The following DPH6 variants were observed in gnomAD, a reference collection of about 807,000 sequenced individuals.
The protein encoded by DPH6 is diphthine--ammonia ligase.
DPH6 carries 33 observed loss-of-function variants against 38.2 expected under a neutral mutation model. That is an observed-to-expected ratio of 0.86 (90% CI 0.65 to 1.15). The LOEUF (loss-of-function observed/expected upper bound fraction) is 1.15. DPH6 is among the 50% of genes most tolerant of loss of function. The probability of loss-of-function intolerance (pLI) is 0.00; values close to 1 mark genes in which losing one functional copy is unlikely to be tolerated. For synonymous variants in DPH6, 108 were observed against 103.0 expected, an observed-to-expected ratio of 1.05 and a Z score of -0.30; for missense variants, 325 against 320.0, an observed-to-expected ratio of 1.02 and a Z score of -0.12.
chr15:35,411,129 A>C (rs889762743), intron 5 of DPH6, among the ~76,000 whole-genome samples: 12 of 151,716 alleles, frequency 7.9e-5, no homozygotes, highest in Admixed American at 1.3e-4. Flanking sequence ...GCACTGTGTC[A>C]ACTACCAGAC....
intron 3 of DPH6, chr15:35,298,795 G>A: frequency 1.7e-6 from 2 of 1,198,460 alleles, no homozygotes; most frequent in Non-Finnish European, 2.5e-6. Flanking sequence ...TGGAGATCTC[G>A]GTCTGTCTTG....
At chr15:35,476,695 A>C (rs1200597458) in intron 3 of DPH6, among the ~76,000 whole-genome samples, 1 of 151,818 alleles carries the variant, frequency 6.6e-6, no homozygotes, top group Non-Finnish European at 1.5e-5. Flanking sequence ...TTAGAGGTGA[A>C]ACTTCCTTAA....
intron 3 of DPH6, among the ~76,000 whole-genome samples, chr15:35,468,671 G>C (rs2054158454): frequency 6.6e-6 from 1 of 150,764 alleles, no homozygotes; most frequent in African/African-American, 2.5e-5. Context: ...AGAGGTTATG[G>C]GGCACGTAAC....
chr15:35,436,508 A>AAAAG (rs2053713934), intron 5 of DPH6, among the ~76,000 whole-genome samples: 1 of 35,286 alleles, frequency 2.8e-5, no homozygotes, highest in African/African-American at 4.5e-5. Context: ...ACAAAACAAA[A>AAAAG]CAAAACAAAA....
At chr15:35,437,961 T>C (rs920237763) in intron 5 of DPH6, among the ~76,000 whole-genome samples, 1 of 152,240 alleles carries the variant, frequency 6.6e-6, no homozygotes, top group African/African-American at 2.4e-5. Context: ...CAAATCACCT[T>C]GAATTTTCCT....
At chr15:35,439,361 CA>C (rs1226767517) in intron 5 of DPH6, among the ~76,000 whole-genome samples, 4 of 152,170 alleles carry the variant, frequency 2.6e-5, no homozygotes, top group East Asian at 1.9e-4. Context: ...CTCCTGTGAA[CA>C]AAATTTGGAG....
chr15:35,263,752 C>T lies in DPH6; in HGVS notation n.201-43170G>A, dbSNP rs964731501. Reference sequence around the variant, plus strand: ...TTTGAGACAGAGTCTCGCTCTGTCACTCAGGCTGGAGTGCAGTGGAGCGAT... The same window carrying T: ...TTTGAGACAGAGTCTCGCTCTGTCATTCAGGCTGGAGTGCAGTGGAGCGAT... On this transcript the variant is annotated intron_variant and non_coding_transcript_variant, in intron 3 of 3. Transcript: ENST00000560386. Among the ~76,000 whole-genome samples the T allele has an allele frequency of 2.0e-5, 3 of 151,850 alleles. No homozygotes were observed. In the East Asian group the frequency reaches 5.8e-4, roughly 30 times the overall value.
At chr15:35,466,361 G>A (rs980382759) in intron 3 of DPH6, among the ~76,000 whole-genome samples, 2 of 152,140 alleles carry the variant, frequency 1.3e-5, no homozygotes, top group Non-Finnish European at 2.9e-5. Flanking sequence ...GGAGAATAAA[G>A]TAACACATTC....
At chr15:35,427,694 C>T (rs2053586369) in intron 5 of DPH6, among the ~76,000 whole-genome samples, 1 of 151,560 alleles carries the variant, frequency 6.6e-6, no homozygotes, top group Non-Finnish European at 1.5e-5. Context: ...TAGAAGTAAA[C>T]CAGTAAATGT....
intron 3 of DPH6, among the ~76,000 whole-genome samples, chr15:35,339,729 T>C (rs2052405528): frequency 6.6e-6 from 1 of 152,178 alleles, no homozygotes. Context: ...TCTAATTTGA[T>C]TGTGCTGTGG....
At chr15:35,341,248 T>C (rs2052419372) in intron 3 of DPH6, among the ~76,000 whole-genome samples, 1 of 152,214 alleles carries the variant, frequency 6.6e-6, no homozygotes, top group African/African-American at 2.4e-5. Flanking sequence ...CTCTCCAGAA[T>C]GGCTATTCTG....
chr15:35,420,808 C>T (rs1395869248), intron 5 of DPH6, among the ~76,000 whole-genome samples: 1 of 152,156 alleles, frequency 6.6e-6, no homozygotes, highest in African/African-American at 2.4e-5. Flanking sequence ...GCCACTGTGC[C>T]TGGCCTAAAA....
At chr15:35,410,796 T>A (rs1418943641) in intron 6 of DPH6, 39 bp downstream of exon 6, 1 of 1,544,560 alleles carries the variant, frequency 6.5e-7, no homozygotes, top group African/African-American at 1.4e-5. Flanking sequence ...GTTTTCTCCT[T>A]TAGATGGCTA....
At chr15:35,436,753 G>GTTT (rs57241274) in intron 5 of DPH6, among the ~76,000 whole-genome samples, 47 of 144,062 alleles carry the variant, frequency 3.3e-4, no homozygotes, top group East Asian at 4.2e-4. Flanking sequence ...CTGCCTTTAA[G>GTTT]TTTTTTTTTT....
At chr15:35,254,334 T>G (rs1057153523) in intron 3 of DPH6, among the ~76,000 whole-genome samples, 1 of 152,222 alleles carries the variant, frequency 6.6e-6, no homozygotes, top group Non-Finnish European at 1.5e-5. Context: ...TTGCATTAAC[T>G]TCATAAACTG....
intron 3 of DPH6, among the ~76,000 whole-genome samples, chr15:35,234,493 C>A (rs1442823340): frequency 6.6e-6 from 1 of 152,220 alleles, no homozygotes; most frequent in Non-Finnish European, 1.5e-5. Context: ...CAGAATACAA[C>A]AAATCAAAAT....
intron 5 of DPH6, among the ~76,000 whole-genome samples, chr15:35,434,091 A>T (rs188225325): frequency 1.3e-5 from 2 of 152,216 alleles, no homozygotes; most frequent in East Asian, 3.8e-4. Flanking sequence ...CTTATAAACT[A>T]GTACAAATCA....
At chr15:35,190,573 T>A in the DPH6 span, among the ~76,000 whole-genome samples, 1 of 152,294 alleles carries the variant, frequency 6.6e-6, no homozygotes, top group East Asian at 1.9e-4. Context: ...TCTACAACAG[T>A]GATGTTATCC....
intron 3 of DPH6, among the ~76,000 whole-genome samples, chr15:35,301,883 A>G (rs541035660): frequency 2.0e-5 from 3 of 152,248 alleles, no homozygotes; most frequent in Admixed American, 6.5e-5. Flanking sequence ...CTGAGGCAGG[A>G]TAACTGCTTG....
Sources: allele counts gnomAD v4.1 joint callset (sites outside exome capture counted in the v4.1 genomes callset), GRCh38; gene constraint gnomAD v4.1.1; transcripts MANE v1.5; gene names NCBI Gene and HGNC (gene_info 2026-07-23, HGNC 2026-07-21).